NARF: variants seen among roughly 807,000 people sequenced by gnomAD.
NARF encodes nuclear prelamin A recognition factor.
Under a neutral mutation model 48.0 loss-of-function variants are expected in NARF, and 41 were observed. The ratio of observed to expected loss-of-function variants is 0.85; its 90% CI spans 0.66 to 1.11. The LOEUF is 1.11. Ranked by LOEUF, NARF falls within the 50% of genes least tolerant of loss-of-function variation. The probability of loss-of-function intolerance (pLI) is 0.00; values close to 1 mark genes in which losing one functional copy is unlikely to be tolerated. For missense variants in NARF, 613 were observed against 590.2 expected (o/e 1.04, Z -0.40); for synonymous variants, 215 against 225.5 (o/e 0.95, Z 0.42).
At chr17:82,471,768 C>G (rs11870617) in intron 4 of NARF, among the ~76,000 whole-genome samples, 44,645 of 119,542 alleles carry the variant, frequency 0.37, 9,527 homozygotes, top group East Asian at 0.87. Context: ...GTCCAGCTTG[C>G]GCGAAAGAGT....
Position 82,463,613 on chromosome 17 carries a change from G to C in NARF, c.109-674G>C, listed in dbSNP as rs1207622847. The stretch of plus-strand genomic sequence containing the variant: ...GCTGTGATGGGACCCGGGCAGACAG[G>C]GGCCACTGGCTTTGCCCAGGCCCTC... On this transcript the variant is annotated intron_variant, in intron 2 of 10. Coordinates refer to ENST00000309794, the MANE Select transcript of NARF (RefSeq NM_012336.4). 4 of 152,518 alleles carry C rather than the reference G, an allele frequency of 2.6e-5. No homozygotes were observed. In the East Asian group the frequency reaches 7.7e-4, roughly 29 times the overall value. The allele number at this position is 152,518 out of a possible 1,614,324, so 9.4% of individuals were successfully genotyped here. A position where few individuals can be genotyped will look rare whatever the true frequency, so the allele number is the denominator to read the frequency against.
At chr17:82,480,261 A>G (rs150591186) in intron 6 of NARF, 6 of 393,826 alleles carry the variant, frequency 1.5e-5, no homozygotes, top group Non-Finnish European at 2.2e-5. Flanking sequence ...AGATTCAGGA[A>G]AGTCTGTGGG....
rs896301095 is a variant in NARF, at chr17:82,460,014, C to T, written c.50C>T (p.Thr17Ile). ...TRKECSKKTK[T>I]DDQENVSADA... ...AAGGAATGTAGTAAGAAAACAAAAA[C>T]TGATGACCAAGAGAATGTGTCAGCC... is the stretch of plus-strand genomic sequence containing the variant. Residue 17 changes from threonine (T) to isoleucine (I), a missense_variant, in exon 2 of 11, where the codon ACT (threonine) becomes ATT (isoleucine). Physicochemically the swap from Thr to Ile is moderately conservative, Grantham distance 89 (BLOSUM62 -1). Transcript: ENST00000309794. 2.1e-5 allele frequency: 34 copies of T among 1,613,554 alleles called. No individual in the cohort carries two copies. The highest frequency in any genetic ancestry group is 2.6e-5 in the Non-Finnish European group (31 of 1,179,808).
Position 82,484,725 on chromosome 17 carries a change from T to C in NARF, c.834-88T>C, listed in dbSNP as rs1236578094. 4.8e-6 allele frequency: 7 copies of C among 1,456,396 alleles called. No homozygotes were observed. The African/African-American group carries it at 8.6e-5, about 18-fold the overall frequency. 90.2% of individuals were successfully genotyped at this position (1,456,396 alleles called of 1,614,324 possible). ...AGCTTCTTTGGTGGCGAACTTGGATTGTGATGCCCTCAGGAAGTCTGGTTT... is the reference window on the plus strand; with the variant it reads ...AGCTTCTTTGGTGGCGAACTTGGATCGTGATGCCCTCAGGAAGTCTGGTTT... On this transcript the variant is annotated intron_variant, in intron 8 of 10. Transcript: ENST00000309794.
At chr17:82,473,910 A>G (rs2043774192) in intron 5 of NARF, among the ~76,000 whole-genome samples, 1 of 152,118 alleles carries the variant, frequency 6.6e-6, no homozygotes. Context: ...TAGGCCAGGC[A>G]TGGTGGCTCA....
Position 82,484,831 on chromosome 17 carries a change from G to T in NARF, c.852G>T (p.Glu284Asp). The change falls in exon 9 of 11, where the codon GAG becomes GAT. Residue 284 changes from glutamate (E) to aspartate (D), a missense_variant. Glu to Asp is a conservative substitution (Grantham distance 45). Coordinates refer to ENST00000309794, the MANE Select transcript of NARF (RefSeq NM_012336.4). ...AVDTLFGDLK[E>D]DKVTRHDGAS... ...TTGTGAGGTTTGGAGACTTGAAGGAGGACAAAGTGACGCGTCATGATGGAG... is the reference window on the plus strand; with the variant it reads ...TTGTGAGGTTTGGAGACTTGAAGGATGACAAAGTGACGCGTCATGATGGAG... The T allele has an allele frequency of 6.2e-7, 1 of 1,607,694 alleles. No homozygotes were observed. The highest frequency in any genetic ancestry group is 1.1e-5 in the South Asian group (1 of 90,244).
At chr17:82,483,193 C>T (rs958655025) in intron 7 of NARF, 1 of 315,262 alleles carries the variant, frequency 3.2e-6, no homozygotes, top group African/African-American at 2.3e-5. Context: ...GTAGTGCACA[C>T]CTGTAATCAC....
At position 82,488,185 on chromosome 17, in the gene NARF, T is replaced by C; in HGVS notation, c.*28T>C. ...TCAGGCCAGGGCCTTCCAGCTGCTCTTGGGGCCAGAGCCAAGAGCCTCTCA... is the reference window on the plus strand; with the variant it reads ...TCAGGCCAGGGCCTTCCAGCTGCTCCTGGGGCCAGAGCCAAGAGCCTCTCA... On this transcript the variant is annotated 3_prime_UTR_variant, in exon 11 of 11. Coordinates refer to ENST00000309794, the MANE Select transcript of NARF (RefSeq NM_012336.4). The C allele has an allele frequency of 1.2e-6, 2 of 1,606,534 alleles. No homozygotes were observed. Among genetic ancestry groups the C allele is most frequent in the Non-Finnish European group, 1.7e-6 (2 of 1,174,982 alleles).
chr17:82,488,893 T>G lies in NARF; in HGVS notation c.*736T>G, dbSNP rs1287272648. ...GTGGGAGTGAGGGCAGAGGGTGGGG[T>G]GGCTGTGCCTGTGGACTCCTGTGGC... On this transcript the variant is annotated 3_prime_UTR_variant, in exon 11 of 11. Transcript: ENST00000309794. 1 of 152,308 alleles carries G rather than the reference T, an allele frequency of 6.6e-6. No individual in the cohort carries two copies. Among genetic ancestry groups the G allele is most frequent in the East Asian group, 1.9e-4 (1 of 5,194 alleles). The allele number at this position is 152,308 out of a possible 1,614,324, so 9.4% of individuals were successfully genotyped here.
chr17:82,485,704 C>T (rs1197097699), intron 10 of NARF, 50 bp downstream of exon 10: 1 of 1,596,970 alleles, frequency 6.3e-7, no homozygotes, highest in Non-Finnish European at 8.6e-7. Context: ...GGTGCTCAGG[C>T]CACACTGGTC....
At chr17:82,468,049 C>G (rs2043611656) in intron 3 of NARF, among the ~76,000 whole-genome samples, 1 of 152,152 alleles carries the variant, frequency 6.6e-6, no homozygotes, top group South Asian at 2.1e-4. Flanking sequence ...AGGTGGCTCA[C>G]ACCTGTAATC....
chr17:82,468,302 ACT>A (rs1363577744), intron 3 of NARF, among the ~76,000 whole-genome samples: 7 of 145,888 alleles, frequency 4.8e-5, no homozygotes, highest in Admixed American at 2.1e-4. Context: ...CAAGGGTGAA[ACT>A]CTGTTTTTTT....
chr17:82,486,815 T>C (rs2044105633), intron 10 of NARF, among the ~76,000 whole-genome samples: 1 of 152,160 alleles, frequency 6.6e-6, no homozygotes, highest in African/African-American at 2.4e-5. Flanking sequence ...CCAGGGAAAT[T>C]TGCTCCAGAT....
intron 8 of NARF, chr17:82,484,608 C>T (rs574825065): frequency 2.6e-5 from 13 of 505,920 alleles, no homozygotes; most frequent in East Asian, 7.1e-5. Flanking sequence ...GAGAGTCCTC[C>T]GCCTTGCCCG....
chr17:82,480,684 G>A (rs1034162502), intron 6 of NARF: 15 of 444,618 alleles, frequency 3.4e-5, no homozygotes, highest in Admixed American at 1.2e-4. Context: ...TGTAATTCTA[G>A]TACTTTGGAG....
At chr17:82,477,175 C>T (rs2043852682) in intron 5 of NARF, 1 of 152,168 alleles carries the variant, frequency 6.6e-6, no homozygotes, top group Non-Finnish European at 1.5e-5. Context: ...CAGGCGTGCG[C>T]CACCAGCTAA....
chr17:82,470,517 C>T (rs192333340), intron 4 of NARF, among the ~76,000 whole-genome samples: 10 of 152,154 alleles, frequency 6.6e-5, no homozygotes, highest in East Asian at 1.9e-4. Flanking sequence ...GTTCTTGAGA[C>T]GGAGTCTTGA....
At position 82,489,333 on chromosome 17, in the gene NARF, A is replaced by G. The variant is rs2044159595; in HGVS notation, c.*1176A>G. 1.3e-5 allele frequency: 2 copies of G among 153,012 alleles called. No homozygotes were observed. The highest frequency in any genetic ancestry group is 4.8e-5 in the African/African-American group (2 of 41,454). The allele number at this position is 153,012 out of a possible 1,614,324, so 9.5% of individuals were successfully genotyped here. ...TCCTGGACCATACTCAGGGCCCTGG[A>G]GGCCTGGCAACCCAGGCCCCAACTC... On this transcript the variant is annotated 3_prime_UTR_variant, in exon 11 of 11. Coordinates refer to ENST00000309794, the MANE Select transcript of NARF (RefSeq NM_012336.4).
chr17:82,459,012 C>CGA, intron 1 of NARF, 182 bp downstream of exon 1: 14 of 1,210,528 alleles, frequency 1.2e-5, no homozygotes, highest in Non-Finnish European at 1.4e-5. Flanking sequence ...CTGCGCTCTG[C>CGA]AGGGCGGGTT....
Sources: allele counts gnomAD v4.1 joint callset (sites outside exome capture counted in the v4.1 genomes callset), GRCh38; gene constraint gnomAD v4.1.1; transcripts MANE v1.5; gene names NCBI Gene and HGNC (gene_info 2026-07-23, HGNC 2026-07-21).